The following TBC1D5 variants were observed in gnomAD, a reference collection of about 807,000 sequenced individuals.
TBC1D5 encodes TBC1 domain family member 5.
In TBC1D5, 75 loss-of-function variants were observed where a neutral mutation model predicts 100.3. That is an observed-to-expected ratio of 0.75 (90% CI 0.62 to 0.91). The LOEUF (loss-of-function observed/expected upper bound fraction) is 0.91, where lower values mean the gene tolerates loss of function less well. Among genes scored for constraint, TBC1D5 ranks in the 40% least tolerant of loss-of-function variants. The probability of loss-of-function intolerance (pLI) is 0.00; values close to 1 mark genes in which losing one functional copy is unlikely to be tolerated. For missense variants in TBC1D5, 910 were observed against 942.4 expected (o/e 0.97, Z 0.45); for synonymous variants, 323 against 325.6 (o/e 0.99, Z 0.09).
rs373721982 is a variant in TBC1D5 at position 17,734,177 on chromosome 3, G to A, written c.-101+5166C>T. 1.0e-3 allele frequency among the ~76,000 whole-genome samples: 155 copies of A among 152,246 alleles called. 2 individuals carry two copies. In the South Asian group the frequency reaches 0.018, roughly 18 times the overall value. ...GAAAGAAATCTAAGTATCTAAAGATGGAGGACTACTTATAGTACATTCATA... is the reference window on the plus strand; with the variant it reads ...GAAAGAAATCTAAGTATCTAAAGATAGAGGACTACTTATAGTACATTCATA... On this transcript the variant is annotated intron_variant, in intron 1 of 21. Coordinates refer to ENST00000253692, the Ensembl canonical transcript of TBC1D5.
chr3:17,394,307 T>C (rs2093439151), intron 8 of TBC1D5, among the ~76,000 whole-genome samples: 1 of 152,144 alleles, frequency 6.6e-6, no homozygotes, highest in Admixed American at 6.6e-5. Flanking sequence ...TTAATAAACA[T>C]TTCTTGAAGA....
At chr3:17,205,669 AGAG>A (rs2125873751) in intron 18 of TBC1D5, among the ~76,000 whole-genome samples, 1 of 152,146 alleles carries the variant, frequency 6.6e-6, no homozygotes, top group East Asian at 1.9e-4. Flanking sequence ...TCTCCTTACC[AGAG>A]ATTGGTAAGG....
intron 1 of TBC1D5, among the ~76,000 whole-genome samples, chr3:17,647,271 A>C (rs115054668): frequency 6.6e-6 from 1 of 152,286 alleles, no homozygotes; most frequent in Non-Finnish European, 1.5e-5. Context: ...AAAACAAAGC[A>C]AAGTTCCTAC....
chr3:17,363,405 A>G (rs1054270036), intron 13 of TBC1D5, among the ~76,000 whole-genome samples: 1 of 152,030 alleles, frequency 6.6e-6, no homozygotes, highest in African/African-American at 2.4e-5. Context: ...ATCTTTATCA[A>G]TCTAAATGAA....
At chr3:17,470,443 C>T (rs2095359479) in intron 3 of TBC1D5, among the ~76,000 whole-genome samples, 1 of 151,894 alleles carries the variant, frequency 6.6e-6, no homozygotes, top group Non-Finnish European at 1.5e-5. Flanking sequence ...AGAGAACACC[C>T]TAAGAATTTG....
intron 3 of TBC1D5, among the ~76,000 whole-genome samples, chr3:17,475,881 C>T (rs577209873): frequency 4.6e-5 from 7 of 151,996 alleles, no homozygotes; most frequent in African/African-American, 9.7e-5. Context: ...CTATCAGCAA[C>T]GTAACAGAGC....
At chr3:17,417,165 A>G (rs941468603) in intron 4 of TBC1D5, among the ~76,000 whole-genome samples, 6 of 151,896 alleles carry the variant, frequency 4.0e-5, no homozygotes, top group African/African-American at 1.5e-4. Context: ...GACCTTTAAG[A>G]TTTTTTTGAC....
rs759620244 is a variant in TBC1D5, at chr3:17,608,090, C to G, written c.-36+15759G>C. 3.0e-4 allele frequency among the ~76,000 whole-genome samples: 45 copies of G among 152,094 alleles called. 1 individual carries two copies. The highest frequency in any genetic ancestry group is 5.6e-4 in the Non-Finnish European group (38 of 68,014). The stretch of plus-strand genomic sequence containing the variant: ...TGGCCAACATTGCGAAACCCCGTCT[C>G]TACTAAAAATACAAAAATTAACCAG... On this transcript the variant is annotated intron_variant, in intron 2 of 21. Transcript: ENST00000253692.
At chr3:17,704,976 G>C (rs2073838308) in intron 1 of TBC1D5, among the ~76,000 whole-genome samples, 1 of 121,870 alleles carries the variant, frequency 8.2e-6, no homozygotes, top group Admixed American at 7.6e-5. Flanking sequence ...TCACCTCCCA[G>C]ACGGGGCGGC....
At chr3:17,274,823 G>T (rs1205915356) in intron 15 of TBC1D5, among the ~76,000 whole-genome samples, 1 of 152,190 alleles carries the variant, frequency 6.6e-6, no homozygotes, top group Non-Finnish European at 1.5e-5. Flanking sequence ...AGTCCAGAAA[G>T]AATCAAGTCA....
chr3:17,546,192 A>T (rs905664961), intron 2 of TBC1D5, among the ~76,000 whole-genome samples: 3 of 152,200 alleles, frequency 2.0e-5, no homozygotes, highest in African/African-American at 7.2e-5. Context: ...ATTGATAGTT[A>T]TTCTTGATCT....
intron 15 of TBC1D5, among the ~76,000 whole-genome samples, chr3:17,273,564 T>C (rs1471916313): frequency 2.6e-5 from 4 of 152,064 alleles, no homozygotes; most frequent in African/African-American, 7.2e-5. Flanking sequence ...CTAATCTGCT[T>C]GGGAGGCCAA....
chr3:17,377,189 C>A (rs2092742521), intron 9 of TBC1D5, among the ~76,000 whole-genome samples: 1 of 151,920 alleles, frequency 6.6e-6, no homozygotes, highest in Non-Finnish European at 1.5e-5. Context: ...AATCAGAAAA[C>A]TACCGTAATT....
At chr3:17,166,251 A>C (rs567095275) in intron 21 of TBC1D5, among the ~76,000 whole-genome samples, 1 of 152,230 alleles carries the variant, frequency 6.6e-6, no homozygotes, top group African/African-American at 2.4e-5. Context: ...CAAATCCTGA[A>C]ATACTTACGC....
At chr3:17,340,351 C>G (rs1295474524) in intron 13 of TBC1D5, among the ~76,000 whole-genome samples, 1 of 152,140 alleles carries the variant, frequency 6.6e-6, no homozygotes, top group Non-Finnish European at 1.5e-5. Context: ...CCAGTGGGGT[C>G]GGCCTTCAGA....
intron 2 of TBC1D5, among the ~76,000 whole-genome samples, chr3:17,529,774 G>C (rs2096193910): frequency 6.6e-6 from 1 of 151,918 alleles, no homozygotes; most frequent in Non-Finnish European, 1.5e-5. Context: ...AGCCTCTCGA[G>C]TAGCTGGGAT....
intron 18 of TBC1D5, among the ~76,000 whole-genome samples, chr3:17,196,899 T>C (rs575499345): frequency 6.6e-6 from 1 of 152,326 alleles, no homozygotes; most frequent in Admixed American, 6.5e-5. Context: ...TAGGGAATAA[T>C]TGAGCATAAC....
At chr3:17,158,761 C>G (rs2065798760) in exon 22 of TBC1D5, 1 of 152,246 alleles carries the variant, frequency 6.6e-6, no homozygotes, top group Non-Finnish European at 1.5e-5. Flanking sequence ...CCTAGTGACT[C>G]TTGCAGGGCG....
At position 17,279,262 on chromosome 3, in the gene TBC1D5, G is replaced by C. The variant is rs150268637; in HGVS notation, c.1245+12633C>G. Among the ~76,000 whole-genome samples, 610 of 152,268 alleles carry C rather than the reference G, an allele frequency of 4.0e-3. 4 individuals are homozygous for C. Among genetic ancestry groups the C allele is most frequent in the Non-Finnish European group, 5.9e-3 (403 of 68,018 alleles). The stretch of plus-strand genomic sequence containing the variant: ...TCCACAATAGTTGTTCATGGGTCCT[G>C]ACATCTCTCAGGTATTGTAAATATG... On this transcript the variant is annotated intron_variant, in intron 15 of 21. Coordinates refer to ENST00000253692, the Ensembl canonical transcript of TBC1D5.
Sources: gnomAD v4.1 joint callset for allele counts (sites outside exome capture counted in the v4.1 genomes callset) on GRCh38, gnomAD v4.1.1 for gene constraint, MANE v1.5 for transcripts, NCBI Gene and HGNC (gene_info 2026-07-23, HGNC 2026-07-21) for gene names.